PREX1: variants seen among roughly 807,000 people sequenced by gnomAD.
PREX1 encodes phosphatidylinositol 3,4,5-trisphosphate-dependent Rac exchanger 1 protein.
PREX1 carries 41 observed loss-of-function variants against 198.3 expected under a neutral mutation model. The ratio of observed to expected loss-of-function variants is 0.21; its 90% confidence interval spans 0.16 to 0.27. PREX1 has a LOEUF of 0.27. Ranked by LOEUF, PREX1 falls within the 10% of genes least tolerant of loss-of-function variation. PREX1 has a pLI of 1.00. For synonymous variants in PREX1, 843 were observed against 887.2 expected, an observed-to-expected ratio of 0.95 and a Z score of 0.89; for missense variants, 1,620 against 2,200.7, an observed-to-expected ratio of 0.74 and a Z score of 5.28.
At position 48,639,758 on chromosome 20, in the gene PREX1, C is replaced by T; in HGVS notation, c.3904+8G>A. On this transcript the variant is annotated splice_region_variant and intron_variant, in intron 30 of 39. Coordinates refer to ENST00000371941, the MANE Select transcript of PREX1 (RefSeq NM_020820.4). ...CCCCACCATGATGCACCCTCCCTGC[C>T]CACCGACCTTCCACATATCTCTGAA... 3 of 1,613,616 alleles carry T rather than the reference C, an allele frequency of 1.9e-6. No individual in the cohort carries two copies. The highest frequency in any genetic ancestry group is 2.5e-6 in the Non-Finnish European group (3 of 1,179,756).
At chr20:48,882,131 C>T in the PREX1 span, among the ~76,000 whole-genome samples, 1 of 152,096 alleles carries the variant, frequency 6.6e-6, no homozygotes, top group Admixed American at 6.6e-5. Context: ...TTTTGATATA[C>T]ATTTTGTTTA....
chr20:48,810,585 TAAA>T (rs760906489), intron 1 of PREX1, among the ~76,000 whole-genome samples: 7 of 77,568 alleles, frequency 9.0e-5, no homozygotes, highest in Admixed American at 2.8e-4. Context: ...TCACCTCAAT[TAAA>T]AAAAAAAAAA....
intron 1 of PREX1, among the ~76,000 whole-genome samples, chr20:48,801,622 G>A (rs2090387123): frequency 6.6e-6 from 1 of 152,170 alleles, no homozygotes; most frequent in South Asian, 2.1e-4. Context: ...CCCTGGGCCA[G>A]GACACCCACG....
intron 5 of PREX1, among the ~76,000 whole-genome samples, chr20:48,708,740 C>T (rs1277755590): frequency 6.6e-6 from 1 of 151,942 alleles, no homozygotes; most frequent in African/African-American, 2.4e-5. Flanking sequence ...TGCAAAAACC[C>T]GAGGGGAGAG....
chr20:48,650,863 G>A, intron 23 of PREX1, 31 bp downstream of exon 23: 2 of 1,611,148 alleles, frequency 1.2e-6, no homozygotes, highest in Non-Finnish European at 1.7e-6. Context: ...TGGGACCTGT[G>A]GCAGAGACCC....
At chr20:48,816,615 T>C (rs1176900975) in intron 1 of PREX1, among the ~76,000 whole-genome samples, 4 of 152,122 alleles carry the variant, frequency 2.6e-5, no homozygotes, top group African/African-American at 7.2e-5. Flanking sequence ...TGTGGCTATG[T>C]TGTGGCAGGA....
rs138625420 is a variant in PREX1 at position 48,716,924 on chromosome 20, G to A, written c.622-8503C>T. On this transcript the variant is annotated intron_variant, in intron 5 of 39. Transcript: ENST00000371941. ...CACTGAGGGAAACACAGCAGGACAT[G>A]GACAGACGGAGTCAGGATAGTATCG... Among the ~76,000 whole-genome samples the A allele has an allele frequency of 8.5e-5, 13 of 152,300 alleles. No individual in the cohort carries two copies. The East Asian group carries it at 9.7e-4, about 11-fold the overall frequency.
At chr20:48,794,263 A>C (rs1167019446) in intron 1 of PREX1, among the ~76,000 whole-genome samples, 8 of 152,240 alleles carry the variant, frequency 5.3e-5, no homozygotes. Context: ...AAGTATCAGA[A>C]GCCAGACAGT....
intron 1 of PREX1, among the ~76,000 whole-genome samples, chr20:48,764,796 AAGAAAG>A (rs1568855765): frequency 2.1e-5 from 3 of 146,150 alleles, no homozygotes; most frequent in African/African-American, 5.0e-5. Flanking sequence ...AAAAAAAAAA[AAGAAAG>A]AAAGAAAGAA....
intron 1 of PREX1, among the ~76,000 whole-genome samples, chr20:48,818,592 C>T (rs1368096747): frequency 6.6e-6 from 1 of 152,200 alleles, no homozygotes; most frequent in Non-Finnish European, 1.5e-5. Flanking sequence ...TCCTCAGGTA[C>T]GCCACTTCCC....
intron 3 of PREX1, among the ~76,000 whole-genome samples, chr20:48,737,215 CAAAAAAAAAA>C (rs140010281): frequency 8.5e-5 from 3 of 35,300 alleles, no homozygotes; most frequent in Non-Finnish European, 1.5e-4. Flanking sequence ...GTTTTGACAG[CAAAAAAAAAA>C]AAAAAAAAAA....
Position 48,655,299 on chromosome 20 carries a change from C to T in PREX1, c.2200G>A (p.Val734Met). ...RGAAPPYVYA[V>M]GRGSEAMAAG... ...CAAGGCTCCCACTCACCTCTCCCCACAGCATAGACGTACGGTGGGGCAGCT... is the reference window on the plus strand; with the variant it reads ...CAAGGCTCCCACTCACCTCTCCCCATAGCATAGACGTACGGTGGGGCAGCT... The change falls in exon 19 of 40, where the codon GTG (valine) becomes ATG (methionine). Residue 734 changes from valine (V) to methionine (M), a missense_variant. Val to Met is a conservative substitution (Grantham distance 21). Coordinates refer to ENST00000371941, the MANE Select transcript of PREX1 (RefSeq NM_020820.4). 1.3e-6 allele frequency: 2 copies of T among 1,582,826 alleles called. No homozygotes were observed. The highest frequency in any genetic ancestry group is 1.3e-5 in the African/African-American group (1 of 74,254).
intron 1 of PREX1, among the ~76,000 whole-genome samples, chr20:48,763,724 T>A (rs2090195217): frequency 6.6e-6 from 1 of 152,104 alleles, no homozygotes. Flanking sequence ...CAGGCCTCAG[T>A]GAGGGAGGTG....
chr20:48,746,685 A>G (rs1212447070), intron 2 of PREX1, among the ~76,000 whole-genome samples: 1 of 152,116 alleles, frequency 6.6e-6, no homozygotes, highest in African/African-American at 2.4e-5. Flanking sequence ...ACACTGGTGC[A>G]TTCGTACGTA....
intron 1 of PREX1, among the ~76,000 whole-genome samples, chr20:48,761,675 C>T (rs1023720001): frequency 1.3e-5 from 2 of 152,196 alleles, no homozygotes; most frequent in African/African-American, 4.8e-5. Flanking sequence ...CAGCCCCCAT[C>T]AAGGGGCTGG....
intron 3 of PREX1, among the ~76,000 whole-genome samples, chr20:48,736,502 G>A (rs1164427367): frequency 6.6e-6 from 1 of 152,242 alleles, no homozygotes; most frequent in Non-Finnish European, 1.5e-5. Flanking sequence ...CAAGGAAGGA[G>A]AAGAGGGGAC....
intron 10 of PREX1, among the ~76,000 whole-genome samples, chr20:48,686,518 G>A (rs1406123384): frequency 2.0e-5 from 3 of 152,182 alleles, no homozygotes; most frequent in Non-Finnish European, 4.4e-5. Context: ...CTGCCTCATC[G>A]GTCCGGACTG....
intron 7 of PREX1, among the ~76,000 whole-genome samples, chr20:48,698,882 C>T (rs994359227): frequency 1.6e-4 from 24 of 152,190 alleles, no homozygotes; most frequent in Middle Eastern, 3.2e-3. Flanking sequence ...GAGGTACATA[C>T]GATCATTCAC....
At chr20:48,717,867 G>A (rs1177120660) in intron 5 of PREX1, among the ~76,000 whole-genome samples, 1 of 152,202 alleles carries the variant, frequency 6.6e-6, no homozygotes, top group East Asian at 1.9e-4. Flanking sequence ...TGGACAAGTT[G>A]CCTCCCCTTT....
Sources: gnomAD v4.1 joint callset for allele counts (sites outside exome capture counted in the v4.1 genomes callset) on GRCh38, gnomAD v4.1.1 for gene constraint, MANE v1.5 for transcripts, NCBI Gene and HGNC (gene_info 2026-07-23, HGNC 2026-07-21) for gene names.